Variants in GCNT1 observed in about 807,000 individuals in gnomAD.
GCNT1 encodes the protein beta-1,3-galactosyl-O-glycosyl-glycoprotein beta-1,6-N-acetylglucosaminyltransferase.
A neutral mutation model predicts 26.2 loss-of-function variants in GCNT1; 16 were observed. The ratio of observed to expected loss-of-function variants is 0.61; its 90% CI spans 0.41 to 0.93. The LOEUF is 0.93. Ranked by LOEUF, GCNT1 falls within the 40% of genes least tolerant of loss-of-function variation. The pLI is 0.00. For synonymous variants in GCNT1, 183 were observed against 190.8 expected (o/e 0.96, Z 0.34); for missense variants, 477 against 526.7 (o/e 0.91, Z 0.92).
At chr9:76,396,593 G>T in the GCNT1 span, among the ~76,000 whole-genome samples, 1 of 152,196 alleles carries the variant, frequency 6.6e-6, no homozygotes, top group Admixed American at 6.5e-5. Flanking sequence ...TGTAATCCCA[G>T]CACTTTGGGA....
intron 2 of GCNT1, among the ~76,000 whole-genome samples, chr9:76,464,038 G>GTTT (rs67210919): frequency 7.7e-6 from 1 of 129,470 alleles, no homozygotes; most frequent in Non-Finnish European, 1.7e-5. Flanking sequence ...CTCTTTTTTT[G>GTTT]TTTTTTTTTT....
At chr9:76,422,404 A>G (rs1199027958) in intron 1 of GCNT1, among the ~76,000 whole-genome samples, 1 of 152,118 alleles carries the variant, frequency 6.6e-6, no homozygotes, top group African/African-American at 2.4e-5. Context: ...TCATCCATTC[A>G]CTATGCAGAT....
intron 2 of GCNT1, among the ~76,000 whole-genome samples, chr9:76,495,764 G>A (rs1824892110): frequency 6.6e-6 from 1 of 152,216 alleles, no homozygotes; most frequent in Non-Finnish European, 1.5e-5. Context: ...TGGTTGGGGA[G>A]TGGCAAGGTC....
chr9:76,479,580 G>A (rs966904477), intron 2 of GCNT1, among the ~76,000 whole-genome samples: 2 of 152,192 alleles, frequency 1.3e-5, no homozygotes, highest in African/African-American at 4.8e-5. Flanking sequence ...GTATCTCATT[G>A]CAGTTTTGAT....
chr9:76,481,693 C>T (rs1010728931), intron 2 of GCNT1, among the ~76,000 whole-genome samples: 9 of 152,058 alleles, frequency 5.9e-5, no homozygotes, highest in South Asian at 2.1e-4. Context: ...TTTCCACAAG[C>T]GTGTCAAGAA....
chr9:76,399,645 C>G, the GCNT1 span: 1 of 909,696 alleles, frequency 1.1e-6, no homozygotes, highest in South Asian at 1.5e-5. Context: ...AAATAAACAT[C>G]AGTTTCTTAA....
chr9:76,494,386 C>T lies in GCNT1; in HGVS notation c.-289-6530C>T, dbSNP rs187916627. On this transcript the variant is annotated intron_variant, in intron 2 of 3. Coordinates refer to ENST00000376730, the MANE Select transcript of GCNT1 (RefSeq NM_001490.5). ...CTGTCCCATAAAGATGTTATGCCCCCAAAATGAAGTGGAGGGCCATACCCT... is the reference window on the plus strand; with the variant it reads ...CTGTCCCATAAAGATGTTATGCCCCTAAAATGAAGTGGAGGGCCATACCCT... Among the ~76,000 whole-genome samples the T allele has an allele frequency of 3.6e-3, 554 of 152,184 alleles. 9 individuals are homozygous for T. Among genetic ancestry groups the T allele is most frequent in the Non-Finnish European group, 1.9e-3 (129 of 68,008 alleles).
At chr9:76,423,860 G>A (rs1823230188) in intron 1 of GCNT1, among the ~76,000 whole-genome samples, 1 of 152,174 alleles carries the variant, frequency 6.6e-6, no homozygotes. Context: ...TGTTGTTGGT[G>A]TTTCTAAATA....
At position 76,505,251 on chromosome 9, in the gene GCNT1, T is replaced by A. The variant is rs1278166472; in HGVS notation, c.*1583T>A. ...ACTGAGAAAACTTTATTTGTCAAAG[T>A]CAGAAAACATTTTCATCTTATTGAG... On this transcript the variant is annotated 3_prime_UTR_variant, in exon 4 of 4. Coordinates refer to ENST00000376730, the MANE Select transcript of GCNT1 (RefSeq NM_001490.5). 3.3e-5 allele frequency: 9 copies of A among 274,102 alleles called. No individual in the cohort carries two copies. Among genetic ancestry groups the A allele is most frequent in the African/African-American group, 4.4e-5 (2 of 45,544 alleles). 17.0% of individuals were successfully genotyped at this position (274,102 alleles called of 1,614,324 possible). A position where few individuals can be genotyped will look rare whatever the true frequency, so the allele number is the denominator to read the frequency against.
intron 1 of GCNT1, among the ~76,000 whole-genome samples, chr9:76,452,046 G>A (rs991618342): frequency 1.4e-5 from 2 of 144,484 alleles, no homozygotes; most frequent in African/African-American, 5.2e-5. Context: ...TCGGCTTACT[G>A]CAACCTCCAC....
chr9:76,426,044 A>G (rs758287478), intron 1 of GCNT1, among the ~76,000 whole-genome samples: 1 of 152,180 alleles, frequency 6.6e-6, no homozygotes, highest in African/African-American at 2.4e-5. Flanking sequence ...ATGACTCCTA[A>G]ACCATAATTT....
At chr9:76,484,624 C>T (rs1019114590) in intron 2 of GCNT1, among the ~76,000 whole-genome samples, 1 of 151,880 alleles carries the variant, frequency 6.6e-6, no homozygotes, top group Admixed American at 6.6e-5. Flanking sequence ...AAAACTGCGC[C>T]GTATATAACA....
chr9:76,440,836 C>T (rs1046341694), upstream of GCNT1, among the ~76,000 whole-genome samples: 18 of 151,798 alleles, frequency 1.2e-4, no homozygotes, highest in Non-Finnish European at 2.4e-4. Context: ...GAGGTTGAGG[C>T]GGGTGGATCA....
exon 1 of GCNT1, chr9:76,442,218 T>C (rs1823492745): frequency 6.6e-6 from 1 of 152,272 alleles, no homozygotes; most frequent in East Asian, 1.9e-4. Context: ...GGCAAGGAAA[T>C]AGATTTTCCT....
chr9:76,399,405 C>T, the GCNT1 span: 3 of 1,466,596 alleles, frequency 2.0e-6, no homozygotes, highest in Non-Finnish European at 2.8e-6. Flanking sequence ...GCTCCAGCTC[C>T]TGAGTTCACT....
At chr9:76,401,216 C>A in the GCNT1 span, among the ~76,000 whole-genome samples, 3 of 152,022 alleles carry the variant, frequency 2.0e-5, no homozygotes, top group African/African-American at 7.3e-5. Flanking sequence ...TACATAAAAG[C>A]CCAATATAGA....
In GCNT1 at chr9:76,503,868, T is replaced by A; in HGVS notation, c.*200T>A. ...AAGGTGATAGCATTAAATGTTCATCTAGAGTTAATAGTGGGAGGAGTAAAG... is the reference window on the plus strand; with the variant it reads ...AAGGTGATAGCATTAAATGTTCATCAAGAGTTAATAGTGGGAGGAGTAAAG... On this transcript the variant is annotated 3_prime_UTR_variant, in exon 4 of 4. Transcript: ENST00000376730. 1 of 587,062 alleles carries A rather than the reference T, an allele frequency of 1.7e-6. No individual in the cohort carries two copies. The highest frequency in any genetic ancestry group is 3.1e-6 in the Non-Finnish European group (1 of 320,492). 36.4% of individuals were successfully genotyped at this position (587,062 alleles called of 1,614,324 possible). A position where few individuals can be genotyped will look rare whatever the true frequency, so the allele number is the denominator to read the frequency against.
chr9:76,403,597 A>C, the GCNT1 span, among the ~76,000 whole-genome samples: 1 of 152,230 alleles, frequency 6.6e-6, no homozygotes, highest in Non-Finnish European at 1.5e-5. Flanking sequence ...TGTGCTAGAC[A>C]CGGGAGGATT....
rs768485700 is a variant in GCNT1 at position 76,503,455 on chromosome 9, C to A, written c.1074C>A (p.Tyr358Ter). ...TTGCCAGGTTTGTCAAGTGGCAGTA[C>A]TTTGAGGGTGATGTTTCCAAGGGTG... is the stretch of plus-strand genomic sequence containing the variant. ...QAVARFVKWQ[Y>*]FEGDVSKGAP... The change falls in exon 4 of 4, where the codon TAC becomes TAA. Residue 358 changes from tyrosine (Y) to a stop codon, truncating the protein, a stop_gained. Coordinates refer to ENST00000376730, the MANE Select transcript of GCNT1 (RefSeq NM_001490.5). LOFTEE classifies it high-confidence loss of function. 7.4e-6 allele frequency: 12 copies of A among 1,613,964 alleles called. No homozygotes were observed. Among genetic ancestry groups the A allele is most frequent in the Non-Finnish European group, 1.0e-5 (12 of 1,180,018 alleles).
Sources: gnomAD v4.1 joint callset for allele counts (sites outside exome capture counted in the v4.1 genomes callset) on GRCh38, gnomAD v4.1.1 for gene constraint, MANE v1.5 for transcripts, NCBI Gene and HGNC (gene_info 2026-07-23, HGNC 2026-07-21) for gene names.